Variants in MAPK10 observed in about 807,000 individuals in gnomAD.
MAPK10 encodes the protein JNK3 alpha protein kinase.
A neutral mutation model predicts 59.3 loss-of-function variants in MAPK10; 25 were observed. That is an observed-to-expected ratio of 0.42 (90% CI 0.31 to 0.59). The LOEUF (loss-of-function observed/expected upper bound fraction) is 0.59. Among genes scored for constraint, MAPK10 ranks in the 20% least tolerant of loss-of-function variants. The probability of loss-of-function intolerance (pLI) is 0.15; values close to 1 mark genes in which losing one functional copy is unlikely to be tolerated. For missense variants in MAPK10, 351 were observed against 568.9 expected (o/e 0.62, Z 3.90); for synonymous variants, 190 against 200.5 (o/e 0.95, Z 0.44).
Position 86,580,367 on chromosome 4 carries a change from C to T in MAPK10, c.-263+13543G>A, listed in dbSNP as rs531694471. On this transcript the variant is annotated intron_variant, in intron 1 of 4. Transcript: ENST00000502302. ...TACAAAAATTAGCCGGGCATGGTGG[C>T]GTACATCTGTAGTCCCAGCTACTTG... is the stretch of plus-strand genomic sequence containing the variant. 2.7e-3 allele frequency among the ~76,000 whole-genome samples: 405 copies of T among 151,912 alleles called. 2 individuals are homozygous for T. The highest frequency in any genetic ancestry group is 9.4e-3 in the African/African-American group (391 of 41,478).
At chr4:86,205,532 T>G (rs539111668) in intron 2 of MAPK10, among the ~76,000 whole-genome samples, 11 of 151,598 alleles carry the variant, frequency 7.3e-5, no homozygotes, top group African/African-American at 2.2e-4. Flanking sequence ...ACAAGAAAAT[T>G]ATAGTATAAT....
At chr4:86,058,785 C>G (rs1013374168) in intron 11 of MAPK10, among the ~76,000 whole-genome samples, 4 of 132,232 alleles carry the variant, frequency 3.0e-5, no homozygotes, top group Non-Finnish European at 5.0e-5. Flanking sequence ...CCCAGCTGGT[C>G]TTGACTGCTT....
At chr4:86,137,756 T>G (rs1426835096) in intron 4 of MAPK10, among the ~76,000 whole-genome samples, 1 of 138,178 alleles carries the variant, frequency 7.2e-6, no homozygotes, top group Non-Finnish European at 1.5e-5. Flanking sequence ...GCTGGTTTTT[T>G]GAAAGGATCA....
chr4:86,265,376 G>C (rs1053717260), intron 2 of MAPK10, among the ~76,000 whole-genome samples: 9 of 152,064 alleles, frequency 5.9e-5, no homozygotes, highest in Non-Finnish European at 5.9e-5. Flanking sequence ...TGGCATGGTG[G>C]CAGGCACCTG....
At chr4:86,571,314 G>T in intron 1 of MAPK10, among the ~76,000 whole-genome samples, 1 of 136,428 alleles carries the variant, frequency 7.3e-6, no homozygotes, top group South Asian at 2.3e-4. Flanking sequence ...TATATTTACT[G>T]GATATATATA....
At chr4:86,125,645 T>G (rs1451288189) in intron 4 of MAPK10, 3 of 152,100 alleles carry the variant, frequency 2.0e-5, no homozygotes, top group African/African-American at 7.2e-5. Flanking sequence ...CTTTGGCCAT[T>G]TCATGGCAAT....
At chr4:86,330,664 T>C (rs535457310) in intron 2 of MAPK10, among the ~76,000 whole-genome samples, 4 of 152,302 alleles carry the variant, frequency 2.6e-5, no homozygotes, top group South Asian at 2.1e-4. Flanking sequence ...TCTGCCACGA[T>C]TGAAATTTAC....
chr4:86,518,615 T>C (rs914168504), intron 1 of MAPK10, among the ~76,000 whole-genome samples: 2 of 151,982 alleles, frequency 1.3e-5, no homozygotes, highest in Non-Finnish European at 2.9e-5. Context: ...TTTCATTTAG[T>C]TCTGCTCTGA....
chr4:86,495,470 C>G (rs1023530820), intron 1 of MAPK10, among the ~76,000 whole-genome samples: 1 of 152,160 alleles, frequency 6.6e-6, no homozygotes, highest in Non-Finnish European at 1.5e-5. Context: ...GGATGAATCT[C>G]TAAAATGCAA....
intron 1 of MAPK10, among the ~76,000 whole-genome samples, chr4:86,397,864 CAAAAAAAAA>C (rs759585442): frequency 5.8e-5 from 3 of 51,756 alleles, no homozygotes; most frequent in African/African-American, 1.8e-4. Flanking sequence ...TCTGCTATGG[CAAAAAAAAA>C]AAAAAAAAAA....
chr4:86,475,735 C>A (rs140870407), intron 1 of MAPK10, among the ~76,000 whole-genome samples: 7 of 151,878 alleles, frequency 4.6e-5, no homozygotes, highest in Non-Finnish European at 7.4e-5. Flanking sequence ...TCACCCTTAG[C>A]GGCAAGTACC....
intron 2 of MAPK10, among the ~76,000 whole-genome samples, chr4:86,241,611 G>A (rs1449966442): frequency 6.6e-6 from 1 of 151,904 alleles, no homozygotes; most frequent in African/African-American, 2.4e-5. Flanking sequence ...CTTCCACTTG[G>A]TTGATTCAGC....
chr4:86,202,069 T>G (rs78029584), intron 2 of MAPK10, among the ~76,000 whole-genome samples: 12,885 of 152,008 alleles, frequency 0.085, 1,201 homozygotes, highest in African/African-American at 0.23. Context: ...TACCAAAAAG[T>G]TACTTTGTAT....
At chr4:86,186,644 A>C (rs1182176923) in intron 3 of MAPK10, among the ~76,000 whole-genome samples, 1 of 152,170 alleles carries the variant, frequency 6.6e-6, no homozygotes, top group Non-Finnish European at 1.5e-5. Flanking sequence ...CTCAAAGAGA[A>C]GGTGCAATGA....
intron 9 of MAPK10, among the ~76,000 whole-genome samples, chr4:86,079,240 C>A (rs1192779366): frequency 6.6e-6 from 1 of 152,118 alleles, no homozygotes; most frequent in Non-Finnish European, 1.5e-5. Context: ...GACACTAGCA[C>A]ATTGCTAGTG....
chr4:86,570,050 TA>T (rs1415944042), intron 1 of MAPK10, among the ~76,000 whole-genome samples: 1 of 152,198 alleles, frequency 6.6e-6, no homozygotes, highest in Non-Finnish European at 1.5e-5. Flanking sequence ...AAGTCTGAGA[TA>T]ACCAAGACTC....
At chr4:86,547,564 G>A (rs1395721646) in intron 1 of MAPK10, among the ~76,000 whole-genome samples, 3 of 152,160 alleles carry the variant, frequency 2.0e-5, no homozygotes, top group East Asian at 1.9e-4. Flanking sequence ...CCTGTGCCGC[G>A]GAGCCTCCCC....
At chr4:86,205,125 AT>A (rs2083513357) in intron 2 of MAPK10, among the ~76,000 whole-genome samples, 1 of 151,990 alleles carries the variant, frequency 6.6e-6, no homozygotes, top group Non-Finnish European at 1.5e-5. Flanking sequence ...GTTGAAAGAG[AT>A]TTTTAAGTGG....
At chr4:86,019,461 G>A (rs1321991724) in intron 13 of MAPK10, among the ~76,000 whole-genome samples, 1 of 152,040 alleles carries the variant, frequency 6.6e-6, no homozygotes, top group Non-Finnish European at 1.5e-5. Context: ...AACTTTGAAT[G>A]GCTTTAATTT....
Sources: gnomAD v4.1 joint callset for allele counts (sites outside exome capture counted in the v4.1 genomes callset) on GRCh38, gnomAD v4.1.1 for gene constraint, MANE v1.5 for transcripts, NCBI Gene and HGNC (gene_info 2026-07-23, HGNC 2026-07-21) for gene names.